Variants in ARHGEF10 observed in about 807,000 individuals in gnomAD.
ARHGEF10 encodes the protein Rho guanine nucleotide exchange factor 10, also known as Rho guanine nucleotide exchange factor (GEF) 10.
Under a neutral mutation model 147.4 loss-of-function variants are expected in ARHGEF10, and 140 were observed. That is an observed-to-expected ratio of 0.95 (90% CI 0.83 to 1.09). ARHGEF10 has a LOEUF of 1.09. Ranked by LOEUF, ARHGEF10 falls within the 50% of genes least tolerant of loss-of-function variation. The pLI, the probability that ARHGEF10 is intolerant of heterozygous loss-of-function variation, is 0.00. For synonymous variants in ARHGEF10, 902 were observed against 695.8 expected (o/e 1.30, Z -4.67); for missense variants, 2,222 against 1,752.7 (o/e 1.27, Z -4.78).
chr8:1,929,468 G>A, intron 25 of ARHGEF10, 25 bp downstream of exon 25: 1 of 1,590,092 alleles, frequency 6.3e-7, no homozygotes, highest in Non-Finnish European at 8.6e-7. Context: ...ACGGCCTCCT[G>A]GCCGGTCCTT....
chr8:1,956,386 T>C (rs1041543714), intron 28 of ARHGEF10, among the ~76,000 whole-genome samples: 1 of 152,208 alleles, frequency 6.6e-6, no homozygotes, highest in African/African-American at 2.4e-5. Flanking sequence ...AATCAAGACT[T>C]AGGAAAATTT....
chr8:1,903,023 G>C (rs536281223), intron 15 of ARHGEF10, among the ~76,000 whole-genome samples: 33 of 152,272 alleles, frequency 2.2e-4, no homozygotes, highest in African/African-American at 6.5e-4. Context: ...CTGAGATTGT[G>C]ATATGTTCAT....
rs186151005 is a variant in ARHGEF10, at chr8:1,948,963, C to T, written c.3397+3308C>T. Among the ~76,000 whole-genome samples, 1 of 152,246 alleles carries T rather than the reference C, an allele frequency of 6.6e-6. No individual in the cohort carries two copies. The highest frequency in any genetic ancestry group is 1.9e-4 in the East Asian group (1 of 5,180). ...ATGTCCTCTGTGCTCTGTTCGCACA[C>T]ACACAAAACCTTCATTCTAGAGTTG... is the stretch of plus-strand genomic sequence containing the variant. On this transcript the variant is annotated intron_variant, in intron 27 of 28. Transcript: ENST00000349830. The surrounding 1 kb of genome is among the most constrained non-coding windows in gnomAD (Gnocchi z 4.9).
intron 25 of ARHGEF10, among the ~76,000 whole-genome samples, chr8:1,929,962 G>T (rs1585579446): frequency 6.6e-6 from 1 of 152,162 alleles, no homozygotes; most frequent in Admixed American, 6.5e-5. Flanking sequence ...GCCGCTGGGG[G>T]TGGGCAGCTG....
chr8:1,886,354 A>T (rs1563230335), intron 11 of ARHGEF10, among the ~76,000 whole-genome samples: 1 of 152,210 alleles, frequency 6.6e-6, no homozygotes, highest in Admixed American at 6.5e-5. Flanking sequence ...ACCAGGATGG[A>T]TAGGCAGACA....
At chr8:1,888,229 ACAG>A (rs1808933638) in intron 11 of ARHGEF10, among the ~76,000 whole-genome samples, 1 of 56,960 alleles carries the variant, frequency 1.8e-5, no homozygotes, top group Non-Finnish European at 3.3e-5. Flanking sequence ...TTGCGAGGAG[ACAG>A]TGAGTGTGGT....
chr8:1,851,523 C>G (rs1190039432), intron 2 of ARHGEF10, among the ~76,000 whole-genome samples: 1 of 151,322 alleles, frequency 6.6e-6, no homozygotes, highest in Non-Finnish European at 1.5e-5. Flanking sequence ...GGGGGAGGCT[C>G]TCTTTGGGGG....
intron 7 of ARHGEF10, chr8:1,876,151 C>T (rs868140688): frequency 5.3e-5 from 12 of 227,716 alleles, no homozygotes; most frequent in African/African-American, 1.4e-4. Context: ...TATAATCCAC[C>T]GTCCATCGAC....
rs1387706485 is a variant in ARHGEF10, at chr8:1,956,905, G to A, written c.3677G>A (p.Gly1226Glu). 5 of 1,614,154 alleles carry A rather than the reference G, an allele frequency of 3.1e-6. No individual in the cohort carries two copies. In the African/African-American group the frequency reaches 5.3e-5, roughly 17 times the overall value. ...DEDQKDALPSGGAGSSLSQGD... is the reference protein window; with the variant it reads ...DEDQKDALPSEGAGSSLSQGD... Reference sequence around the variant, plus strand: ...GACCAGAAGGACGCACTTCCGAGTGGAGGAGCTGGTTCATCTCTGAGCCAG... The same window carrying A: ...GACCAGAAGGACGCACTTCCGAGTGAAGGAGCTGGTTCATCTCTGAGCCAG... Residue 1226 changes from glycine (G) to glutamate (E), a missense_variant, in exon 29 of 29, where the codon GGA becomes GAA. Coordinates refer to ENST00000349830, the MANE Select transcript of ARHGEF10 (RefSeq NM_014629.4).
At chr8:1,922,181 G>C (rs1033074504) in intron 18 of ARHGEF10, among the ~76,000 whole-genome samples, 1 of 151,284 alleles carries the variant, frequency 6.6e-6, no homozygotes, top group African/African-American at 2.4e-5. Flanking sequence ...GTGAGGGGTA[G>C]AGCAATTCTC....
At chr8:1,886,819 G>C (rs150695989) in intron 11 of ARHGEF10, among the ~76,000 whole-genome samples, 2 of 152,298 alleles carry the variant, frequency 1.3e-5, no homozygotes, top group Non-Finnish European at 2.9e-5. Context: ...CCAGCTATGC[G>C]AGGAAGGGGT....
chr8:1,938,584 G>GT lies in ARHGEF10; in HGVS notation c.3222+4650dup, dbSNP rs199648340. On this transcript the variant is annotated intron_variant, in intron 26 of 28. Transcript: ENST00000349830. ...ACATAGTGATTTGCTGCAGCAATGCGTTTTTTTTCTCATAGGAAGTTAATT... is the reference window on the plus strand; with the variant it reads ...ACATAGTGATTTGCTGCAGCAATGCGTTTTTTTTTCTCATAGGAAGTTAATT... 2.5e-3 allele frequency among the ~76,000 whole-genome samples: 379 copies of GT among 152,014 alleles called. 5 individuals are homozygous for GT. The highest frequency in any genetic ancestry group is 8.3e-3 in the African/African-American group (345 of 41,472).
chr8:1,863,471 A>G (rs1021514938), intron 4 of ARHGEF10, among the ~76,000 whole-genome samples: 6 of 152,220 alleles, frequency 3.9e-5, no homozygotes, highest in African/African-American at 1.4e-4. Context: ...CCCTTTAGAA[A>G]GTGTTTCATG....
intron 1 of ARHGEF10, among the ~76,000 whole-genome samples, chr8:1,834,182 A>G (rs573881548): frequency 8.1e-4 from 124 of 152,312 alleles, no homozygotes; most frequent in African/African-American, 2.8e-3. Flanking sequence ...TCCCCTCCCC[A>G]GCATGTGGCG....
At chr8:1,843,487 C>T (rs769792880) in intron 2 of ARHGEF10, 51 bp downstream of exon 2, 5 of 1,419,064 alleles carry the variant, frequency 3.5e-6, no homozygotes, top group Non-Finnish European at 5.0e-6. Context: ...CTGCTGCTCT[C>T]ATCAAGGACG....
chr8:1,867,295 A>G (rs1806706951), intron 6 of ARHGEF10, among the ~76,000 whole-genome samples: 1 of 152,242 alleles, frequency 6.6e-6, no homozygotes, highest in Admixed American at 6.5e-5. Context: ...ATTTAAGAGA[A>G]CTATTACTTA....
chr8:1,849,776 G>A (rs1283274933), intron 2 of ARHGEF10, among the ~76,000 whole-genome samples: 2 of 128,350 alleles, frequency 1.6e-5, no homozygotes, highest in Admixed American at 7.8e-5. Flanking sequence ...TGGACATAGA[G>A]GGCAAATGCT....
intron 3 of ARHGEF10, 105 bp downstream of exon 3, chr8:1,858,220 C>T (rs1288826036): frequency 4.8e-6 from 5 of 1,046,076 alleles, no homozygotes; most frequent in African/African-American, 1.6e-5. Flanking sequence ...AGGTGAGTCC[C>T]CAGGTGAGTC....
intron 1 of ARHGEF10, among the ~76,000 whole-genome samples, chr8:1,830,881 C>G (rs1403499428): frequency 6.6e-6 from 1 of 152,208 alleles, no homozygotes; most frequent in Non-Finnish European, 1.5e-5. Flanking sequence ...CCTGAAATGC[C>G]ACTGGAGCCG....
Sources: gnomAD v4.1 joint callset for allele counts (sites outside exome capture counted in the v4.1 genomes callset) on GRCh38, gnomAD v4.1.1 for gene constraint, Gnocchi (gnomAD v3.1) non-coding constraint, MANE v1.5 for transcripts, NCBI Gene and HGNC (gene_info 2026-07-23, HGNC 2026-07-21) for gene names.